Variants in CADM2 observed in about 807,000 individuals in gnomAD.
CADM2 encodes the protein immunoglobulin superfamily member 4D.
In CADM2, 12 loss-of-function variants were observed where a neutral mutation model predicts 49.8. The observed-to-expected ratio is 0.24, with a 90% CI of 0.15 to 0.39. The LOEUF is 0.39. CADM2 is among the 10% of genes least tolerant of loss of function. The pLI is 1.00. For missense variants in CADM2, 378 were observed against 492.3 expected (o/e 0.77, Z 2.20); for synonymous variants, 214 against 175.4 (o/e 1.22, Z -1.74).
chr3:85,049,009 G>T (rs1212773262), intron 1 of CADM2, among the ~76,000 whole-genome samples: 4 of 152,060 alleles, frequency 2.6e-5, no homozygotes, highest in African/African-American at 9.7e-5. Flanking sequence ...TGGATGGTAG[G>T]AAGGGAAAAA....
intron 8 of CADM2, among the ~76,000 whole-genome samples, chr3:85,971,815 A>G (rs934119599): frequency 6.6e-6 from 1 of 151,642 alleles, no homozygotes; most frequent in African/African-American, 2.4e-5. Flanking sequence ...CAAATAAAGC[A>G]TTGATTTTAT....
At chr3:85,232,981 G>A (rs996690586) in intron 1 of CADM2, among the ~76,000 whole-genome samples, 1 of 152,092 alleles carries the variant, frequency 6.6e-6, no homozygotes, top group African/African-American at 2.4e-5. Context: ...TGCCAAAAAT[G>A]GGAAGAAACA....
chr3:85,901,296 T>C (rs1436189747), intron 5 of CADM2, among the ~76,000 whole-genome samples: 1 of 152,226 alleles, frequency 6.6e-6, no homozygotes, highest in Non-Finnish European at 1.5e-5. Context: ...TAGCAGTATC[T>C]AAATGAGTTG....
chr3:85,505,293 G>T lies in CADM2; in HGVS notation c.62-221229G>T, dbSNP rs1332125723. 2.6e-5 allele frequency among the ~76,000 whole-genome samples: 4 copies of T among 152,334 alleles called. No individual in the cohort carries two copies. In the South Asian group the frequency reaches 6.2e-4, roughly 24 times the overall value. The stretch of plus-strand genomic sequence containing the variant: ...TTTATGTAACTTGTGTTTCAGTTCA[G>T]TATATATGCGTATATTCATATATAC... On this transcript the variant is annotated intron_variant, in intron 1 of 9. Coordinates refer to ENST00000383699, the MANE Select transcript of CADM2 (RefSeq NM_001167675.2).
intron 9 of CADM2, among the ~76,000 whole-genome samples, chr3:86,065,981 A>C (rs910238672): frequency 1.3e-5 from 2 of 152,142 alleles, no homozygotes; most frequent in Admixed American, 6.5e-5. Context: ...AAATAGAAAA[A>C]ATATGGAAGA....
chr3:85,473,035 A>G (rs958335931), intron 1 of CADM2, among the ~76,000 whole-genome samples: 9 of 152,090 alleles, frequency 5.9e-5, no homozygotes, highest in South Asian at 2.1e-4. Flanking sequence ...AATATGATAT[A>G]TTGTTCTTAT....
chr3:85,936,404 A>C (rs1354486976), intron 7 of CADM2, among the ~76,000 whole-genome samples: 1 of 151,802 alleles, frequency 6.6e-6, no homozygotes, highest in African/African-American at 2.4e-5. Context: ...CTTCAACTCT[A>C]AAACTTCACC....
intron 1 of CADM2, among the ~76,000 whole-genome samples, chr3:85,304,450 A>G (rs978948346): frequency 1.3e-5 from 2 of 151,756 alleles, no homozygotes; most frequent in African/African-American, 4.8e-5. Flanking sequence ...AAACACTAAA[A>G]ATCATCTGGA....
chr3:85,038,191 A>G lies in CADM2; in HGVS notation c.61+78523A>G, dbSNP rs73843269. ...TTCACAAATTTTAAGCATGAGTGCCAAGCAGCAAAAAGAGCAGCGTATGAT... is the reference window on the plus strand; with the variant it reads ...TTCACAAATTTTAAGCATGAGTGCCGAGCAGCAAAAAGAGCAGCGTATGAT... On this transcript the variant is annotated intron_variant, in intron 1 of 9. Transcript: ENST00000383699. Among the ~76,000 whole-genome samples, 1,337 of 152,336 alleles carry G rather than the reference A, an allele frequency of 8.8e-3. 21 individuals carry two copies. Among genetic ancestry groups the G allele is most frequent in the African/African-American group, 0.031 (1,274 of 41,576 alleles).
rs6795136 is a variant in CADM2, at chr3:85,659,774, G to C, written c.62-66748G>C. On this transcript the variant is annotated intron_variant, in intron 1 of 9. Transcript: ENST00000383699. ...GCAGATTATGGTTAAGTACACATGG[G>C]ATTGCTCTAAAATTCAGATTTCTAA... Among the ~76,000 whole-genome samples the C allele has an allele frequency of 3.1e-3, 476 of 152,188 alleles. 3 individuals are homozygous for C. The highest frequency in any genetic ancestry group is 0.011 in the African/African-American group (462 of 41,520).
chr3:85,710,423 A>T (rs1262344175), intron 1 of CADM2, among the ~76,000 whole-genome samples: 2 of 152,148 alleles, frequency 1.3e-5, no homozygotes, highest in Non-Finnish European at 2.9e-5. Flanking sequence ...TTGTCCCAGA[A>T]CATTATCATA....
intron 1 of CADM2, among the ~76,000 whole-genome samples, chr3:85,609,847 G>A (rs2063630114): frequency 6.6e-6 from 1 of 151,904 alleles, no homozygotes; most frequent in African/African-American, 2.4e-5. Context: ...ATTATAATGG[G>A]GATTTAATTT....
intron 1 of CADM2, among the ~76,000 whole-genome samples, chr3:85,206,226 T>C (rs2041629910): frequency 1.3e-5 from 2 of 152,026 alleles, no homozygotes; most frequent in African/African-American, 2.4e-5. Flanking sequence ...TATTTGATCA[T>C]TGAAGTCAAT....
At chr3:85,345,054 A>G (rs1462054042) in intron 1 of CADM2, among the ~76,000 whole-genome samples, 1 of 152,074 alleles carries the variant, frequency 6.6e-6, no homozygotes, top group Non-Finnish European at 1.5e-5. Context: ...AACCGGGCTC[A>G]TGCCGTAATC....
At chr3:85,628,687 A>G (rs35326689) in intron 1 of CADM2, among the ~76,000 whole-genome samples, 32,374 of 148,248 alleles carry the variant, frequency 0.22, 3,801 homozygotes, top group South Asian at 0.28. Context: ...ATATATATAT[A>G]TATAATTTGC....
intron 1 of CADM2, among the ~76,000 whole-genome samples, chr3:85,050,987 A>G (rs1391264071): frequency 1.3e-5 from 2 of 152,154 alleles, no homozygotes; most frequent in African/African-American, 2.4e-5. Context: ...CTGCCGCTGA[A>G]AAGCCTGCCA....
At chr3:85,950,620 A>G (rs538424143) in intron 7 of CADM2, among the ~76,000 whole-genome samples, 9 of 151,300 alleles carry the variant, frequency 5.9e-5, no homozygotes, top group Non-Finnish European at 1.2e-4. Context: ...TCTTTCTTGC[A>G]TAGGTTATTT....
intron 3 of CADM2, among the ~76,000 whole-genome samples, chr3:85,835,443 A>G (rs2074367200): frequency 6.6e-6 from 1 of 151,174 alleles, no homozygotes; most frequent in East Asian, 1.9e-4. Flanking sequence ...TGGAAACTTC[A>G]AGAAGCTTTG....
chr3:85,130,453 T>C lies in CADM2; in HGVS notation c.61+170785T>C, dbSNP rs955417232. Among the ~76,000 whole-genome samples, 21 of 152,206 alleles carry C rather than the reference T, an allele frequency of 1.4e-4. 1 individual carries two copies. The highest frequency in any genetic ancestry group is 7.9e-4 in the Admixed American group (12 of 15,276). On this transcript the variant is annotated intron_variant, in intron 1 of 9. Transcript: ENST00000383699. ...CCAGTGAAATCTTCAAACAATCTTC[T>C]TTGCAGAATGCCCAAAGTTTCTAAT...
Sources: allele counts gnomAD v4.1 joint callset (sites outside exome capture counted in the v4.1 genomes callset), GRCh38; gene constraint gnomAD v4.1.1; transcripts MANE v1.5; gene names NCBI Gene and HGNC (gene_info 2026-07-23, HGNC 2026-07-21).